WDR41: variants seen among roughly 807,000 people sequenced by gnomAD.
The protein encoded by WDR41 is WD repeat domain 41.
A neutral mutation model predicts 69.3 loss-of-function variants in WDR41; 63 were observed. The ratio of observed to expected loss-of-function variants is 0.91; its 90% CI spans 0.74 to 1.12. The LOEUF is 1.12. Ranked by LOEUF, WDR41 falls within the 50% of genes most tolerant of loss-of-function variation. The probability of loss-of-function intolerance (pLI) is 0.00; values close to 1 mark genes in which losing one functional copy is unlikely to be tolerated. For missense variants in WDR41, 543 were observed against 534.5 expected, an observed-to-expected ratio of 1.02 and a Z score of -0.16; for synonymous variants, 185 against 192.1, an observed-to-expected ratio of 0.96 and a Z score of 0.31.
At chr5:77,538,646 T>C (rs1283620157) in intron 1 of WDR41, among the ~76,000 whole-genome samples, 1 of 152,242 alleles carries the variant, frequency 6.6e-6, no homozygotes, top group African/African-American at 2.4e-5. Context: ...TGTTCTTTTT[T>C]GTGACTGCAT....
intron 7 of WDR41, 113 bp downstream of exon 7, chr5:77,451,178 G>A (rs369368920): frequency 3.3e-6 from 3 of 921,544 alleles, no homozygotes; most frequent in East Asian, 5.0e-5. Flanking sequence ...ATCCCAAGAA[G>A]CCAAGAGTGG....
intron 1 of WDR41, among the ~76,000 whole-genome samples, chr5:77,542,847 T>C (rs1436409025): frequency 2.0e-5 from 3 of 152,160 alleles, no homozygotes; most frequent in African/African-American, 4.8e-5. Flanking sequence ...ACTGCAGGAA[T>C]GAATCAGGAA....
At chr5:77,463,523 A>G (rs1424097557) in intron 3 of WDR41, among the ~76,000 whole-genome samples, 1 of 152,160 alleles carries the variant, frequency 6.6e-6, no homozygotes. Context: ...GCATAAAAAC[A>G]TCAGTAACTT....
chr5:77,476,328 C>A (rs1453114546), intron 2 of WDR41, among the ~76,000 whole-genome samples: 1 of 150,942 alleles, frequency 6.6e-6, no homozygotes, highest in Non-Finnish European at 1.5e-5. Context: ...GAGAACGCCA[C>A]AAAGATACTC....
At chr5:77,618,953 A>G (rs1744728132) in intron 1 of WDR41, among the ~76,000 whole-genome samples, 1 of 152,198 alleles carries the variant, frequency 6.6e-6, no homozygotes. Context: ...AATTTGGTCT[A>G]TAATTTGTGT....
chr5:77,578,625 C>T (rs182150078), intron 1 of WDR41, among the ~76,000 whole-genome samples: 22 of 152,190 alleles, frequency 1.4e-4, no homozygotes, highest in African/African-American at 4.3e-4. Flanking sequence ...TGGTGGCTCA[C>T]GCCTGTAATC....
intron 1 of WDR41, among the ~76,000 whole-genome samples, chr5:77,509,549 A>G (rs1802167271): frequency 6.6e-6 from 1 of 152,242 alleles, no homozygotes; most frequent in Admixed American, 6.5e-5. Context: ...ACAGGCTGCG[A>G]CATTGATGAT....
At chr5:77,583,052 A>AT (rs1743970582) in intron 1 of WDR41, 1 of 1,596,516 alleles carries the variant, frequency 6.3e-7, no homozygotes, top group African/African-American at 1.3e-5. Flanking sequence ...AAGACCACCC[A>AT]TTTTGTAGAA....
intron 5 of WDR41, among the ~76,000 whole-genome samples, chr5:77,458,024 T>C (rs1185578942): frequency 6.6e-6 from 1 of 152,184 alleles, no homozygotes; most frequent in African/African-American, 2.4e-5. Flanking sequence ...TCTTTGTTCC[T>C]TCAAGCCACA....
intron 3 of WDR41, 54 bp downstream of exon 3, chr5:77,464,707 C>A: frequency 1.9e-6 from 3 of 1,550,566 alleles, no homozygotes; most frequent in Non-Finnish European, 2.7e-6. Flanking sequence ...TGAATACATA[C>A]TCAACTACAT....
rs538717791 is a variant in WDR41 at position 77,582,512 on chromosome 5, G to A, written c.42+37967C>T. 13 of 1,599,414 alleles carry A rather than the reference G, an allele frequency of 8.1e-6. No homozygotes were observed. The East Asian group carries it at 2.9e-4, about 36-fold the overall frequency. On this transcript the variant is annotated intron_variant, in intron 1 of 5. Transcript: ENST00000509971. The stretch of plus-strand genomic sequence containing the variant: ...GCCCAAAAGATGCTTCGAAAGGCAA[G>A]GAGGAAGCTTATCTATGAAAAAGCA...
rs200610778 is a variant in WDR41, at chr5:77,498,676, G to A, written c.43-9104C>T. Among the ~76,000 whole-genome samples, 17 of 151,868 alleles carry A rather than the reference G, an allele frequency of 1.1e-4. No homozygotes were observed. The South Asian group carries it at 2.9e-3, about 26-fold the overall frequency. On this transcript the variant is annotated intron_variant, in intron 1 of 5. Coordinates refer to the WDR41 transcript ENST00000509971. ...TCTATAAAAAGTTTTAAAATTAACC[G>A]AGCATGGTGGCAGGTGCCTGTGGTT...
At chr5:77,618,447 A>T (rs1744717645) in intron 1 of WDR41, among the ~76,000 whole-genome samples, 1 of 151,842 alleles carries the variant, frequency 6.6e-6, no homozygotes, top group Non-Finnish European at 1.5e-5. Context: ...ATCTCAGCTC[A>T]CTGCAACCTA....
chr5:77,511,533 A>G (rs965510341), intron 1 of WDR41, among the ~76,000 whole-genome samples: 1 of 152,182 alleles, frequency 6.6e-6, no homozygotes, highest in Non-Finnish European at 1.5e-5. Context: ...TTAATCAACC[A>G]CAGTCAGCCA....
At chr5:77,601,610 T>A (rs1391386787) in intron 1 of WDR41, among the ~76,000 whole-genome samples, 1 of 152,158 alleles carries the variant, frequency 6.6e-6, no homozygotes, top group African/African-American at 2.4e-5. Context: ...GCACTTAAGG[T>A]GTGGGAGGGA....
intron 1 of WDR41, among the ~76,000 whole-genome samples, chr5:77,568,735 A>T (rs1286082640): frequency 6.6e-6 from 1 of 152,192 alleles, no homozygotes; most frequent in Non-Finnish European, 1.5e-5. Flanking sequence ...ATAGGAGTCA[A>T]ATGATAAATA....
chr5:77,451,208 A>C (rs1365679327), intron 7 of WDR41, 83 bp downstream of exon 7: 1 of 1,348,336 alleles, frequency 7.4e-7, no homozygotes, highest in Non-Finnish European at 1.1e-6. Flanking sequence ...AATGTCCCTT[A>C]AATAAAAAAT....
chr5:77,535,622 A>G (rs987863015), intron 1 of WDR41, among the ~76,000 whole-genome samples: 13 of 152,228 alleles, frequency 8.5e-5, no homozygotes, highest in African/African-American at 3.1e-4. Context: ...CTTCAACTCC[A>G]TAATGACAGA....
intron 1 of WDR41, among the ~76,000 whole-genome samples, chr5:77,607,826 A>T (rs1744452859): frequency 1.3e-5 from 2 of 152,228 alleles, no homozygotes; most frequent in African/African-American, 4.8e-5. Flanking sequence ...GACTTTGTAT[A>T]CATTTTAAGT....
Sources: allele counts gnomAD v4.1 joint callset (sites outside exome capture counted in the v4.1 genomes callset), GRCh38; gene constraint gnomAD v4.1.1; transcripts MANE v1.5; gene names NCBI Gene and HGNC (gene_info 2026-07-23, HGNC 2026-07-21).